The following PGF variants were observed in gnomAD, a reference collection of about 807,000 sequenced individuals.
PGF encodes placenta growth factor.
In PGF, 11 loss-of-function variants were observed where a neutral mutation model predicts 25.3. That is an observed-to-expected ratio of 0.43 (90% CI 0.27 to 0.72). The LOEUF is 0.72. Among genes scored for constraint, PGF ranks in the 30% least tolerant of loss-of-function variants. The pLI is 0.18. For missense variants in PGF, 230 were observed against 234.9 expected, an observed-to-expected ratio of 0.98 and a Z score of 0.14; for synonymous variants, 105 against 97.9, an observed-to-expected ratio of 1.07 and a Z score of -0.43.
intron 5 of PGF, 22 bp from the exon 6 acceptor site, chr14:74,946,297 G>A: frequency 6.2e-7 from 1 of 1,614,146 alleles, no homozygotes; most frequent in Non-Finnish European, 8.5e-7. Flanking sequence ...CAAGCGTCAG[G>A]ACAAGGTGGC....
chr14:74,942,510 T>C lies in PGF; in HGVS notation c.*196A>G. On this transcript the variant is annotated 3_prime_UTR_variant, in exon 7 of 7. Transcript: ENST00000555567. The stretch of plus-strand genomic sequence containing the variant: ...GGGGTCTGTGGCTGGCTTCTCTCTT[T>C]CTCTCACGTTGTTGAAGGCACTGAA... The C allele has an allele frequency of 3.2e-6, 2 of 617,470 alleles. No individual in the cohort carries two copies. Among genetic ancestry groups the C allele is most frequent in the Non-Finnish European group, 2.9e-6 (1 of 348,902 alleles). The allele number at this position is 617,470 out of a possible 1,614,324, so 38.2% of individuals were successfully genotyped here. A position where few individuals can be genotyped will look rare whatever the true frequency, so the allele number is the denominator to read the frequency against.
chr14:74,943,046 G>C (rs1463734358), intron 6 of PGF, among the ~76,000 whole-genome samples: 1 of 152,226 alleles, frequency 6.6e-6, no homozygotes. Context: ...GAAGAAGCTT[G>C]CCTGTGGTCA....
chr14:74,944,683 CT>C (rs1209669089), intron 6 of PGF: 2 of 151,260 alleles, frequency 1.3e-5, no homozygotes, highest in African/African-American at 2.4e-5. Flanking sequence ...GTAGTTGGGA[CT>C]ATAGGCACAT....
chr14:74,954,120 G>T, intron 1 of PGF, 174 bp from the exon 2 acceptor site: 1 of 634,052 alleles, frequency 1.6e-6, no homozygotes, highest in East Asian at 2.8e-5. Flanking sequence ...TGGACCCTGG[G>T]TAGGTTAGGT....
intron 4 of PGF, 41 bp downstream of exon 4, chr14:74,948,465 CG>C: frequency 7.9e-7 from 1 of 1,259,790 alleles, no homozygotes; most frequent in South Asian, 1.3e-5. Flanking sequence ...GCCAAGAGGA[CG>C]GGGGCCTTTC....
chr14:74,943,191 T>G (rs535829738), intron 6 of PGF, among the ~76,000 whole-genome samples: 11 of 152,248 alleles, frequency 7.2e-5, no homozygotes, highest in African/African-American at 2.6e-4. Context: ...TACTGACGGT[T>G]TTAAAGAAAT....
rs974958272 is a variant in PGF at position 74,942,520 on chromosome 14, T to G, written c.*186A>C. 7 of 635,692 alleles carry G rather than the reference T, an allele frequency of 1.1e-5. No homozygotes were observed. The highest frequency in any genetic ancestry group is 3.8e-5 in the African/African-American group (2 of 52,036). The allele number at this position is 635,692 out of a possible 1,614,324, so 39.4% of individuals were successfully genotyped here. ...GCTGGCTTCTCTCTTTCTCTCACGTTGTTGAAGGCACTGAATTCCTGAGGG... is the reference window on the plus strand; with the variant it reads ...GCTGGCTTCTCTCTTTCTCTCACGTGGTTGAAGGCACTGAATTCCTGAGGG... On this transcript the variant is annotated 3_prime_UTR_variant, in exon 7 of 7. Transcript: ENST00000555567.
At chr14:74,945,942 C>T (rs1205588056) in intron 6 of PGF, 1 of 516,528 alleles carries the variant, frequency 1.9e-6, no homozygotes, top group African/African-American at 1.9e-5. Flanking sequence ...GCTGGACCTC[C>T]TGCCCCTCAT....
At chr14:74,947,683 A>C (rs1888771986) in intron 4 of PGF, 1 of 152,264 alleles carries the variant, frequency 6.6e-6, no homozygotes, top group South Asian at 2.1e-4. Flanking sequence ...GTAGGTGCTC[A>C]ATAAATGTAT....
chr14:74,948,875 G>A (rs1295282972), intron 3 of PGF, among the ~76,000 whole-genome samples: 2 of 152,184 alleles, frequency 1.3e-5, no homozygotes, highest in African/African-American at 4.8e-5. Context: ...TTTACCTGCT[G>A]AACAAGTGAA....
Position 74,953,979 on chromosome 14 carries a change from G to C in PGF, c.76-33C>G. 1 of 1,611,482 alleles carries C rather than the reference G, an allele frequency of 6.2e-7. No individual in the cohort carries two copies. The highest frequency in any genetic ancestry group is 2.2e-5 in the East Asian group (1 of 44,860). On this transcript the variant is annotated intron_variant, in intron 1 of 6. Coordinates refer to ENST00000555567, the MANE Select transcript of PGF (RefSeq NM_002632.6). This position sits in a 1 kb window ranked among gnomAD's most constrained non-coding sequence, Gnocchi z 5.4. ...CAGAAAAGTGCAGAGGTGAGCTGGG[G>C]GTACCTTGGAGCTCTGCACTCTTGG...
Position 74,953,897 on chromosome 14 carries a change from A to G in PGF, c.118+7T>C. On this transcript the variant is annotated splice_region_variant and intron_variant, in intron 2 of 6. Coordinates refer to ENST00000555567, the MANE Select transcript of PGF (RefSeq NM_002632.6). This position sits in a 1 kb window ranked among gnomAD's most constrained non-coding sequence, Gnocchi z 5.4. ...GAGCATGCGTACCCCCAGCCTGGCC[A>G]GCTTACCTTCCACCTCTGACGAGCC... 1 of 1,613,714 alleles carries G rather than the reference A, an allele frequency of 6.2e-7. No homozygotes were observed. The highest frequency in any genetic ancestry group is 1.1e-5 in the South Asian group (1 of 91,074).
rs1320969710 is a variant in PGF, at chr14:74,942,068, G to C, written c.*638C>G. 3.9e-5 allele frequency: 6 copies of C among 153,274 alleles called. No individual in the cohort carries two copies. Among genetic ancestry groups the C allele is most frequent in the Non-Finnish European group, 8.7e-5 (6 of 68,876 alleles). The allele number at this position is 153,274 out of a possible 1,614,324, so 9.5% of individuals were successfully genotyped here. On this transcript the variant is annotated 3_prime_UTR_variant, in exon 7 of 7. Transcript: ENST00000555567. ...CACTCTGTATGTGTCTCTTAGGGGG[G>C]GCAGGGTGGTGGCACCTTGGCCGGA... is the stretch of plus-strand genomic sequence containing the variant.
chr14:74,948,581 G>A lies in PGF; in HGVS notation c.318C>T (p.Leu106=). 4 of 1,598,012 alleles carry A rather than the reference G, an allele frequency of 2.5e-6. No homozygotes were observed. The highest frequency in any genetic ancestry group is 3.4e-6 in the Non-Finnish European group (4 of 1,167,976). The change falls in exon 4 of 7, where the codon CTC becomes CTT. Residue 106 remains leucine (L), a splice_region_variant and synonymous_variant. Transcript: ENST00000555567. ...GCCGGTCCCCAGAACGGATCTTTAG[G>A]AGCTGAAGGAAGAAAGAGTTGATGC... ...PVETANVTMQ[L]LKIRSGDRPS...
chr14:74,952,363 C>T (rs1888891534), intron 2 of PGF, among the ~76,000 whole-genome samples: 1 of 152,218 alleles, frequency 6.6e-6, no homozygotes, highest in African/African-American at 2.4e-5. Flanking sequence ...GCCCGCTCAG[C>T]CACGGAGCTA....
chr14:74,944,324 G>T (rs577840933), intron 6 of PGF, among the ~76,000 whole-genome samples: 1 of 151,786 alleles, frequency 6.6e-6, no homozygotes, highest in East Asian at 1.9e-4. Context: ...GGATGGTCTC[G>T]ATCTCCTAAC....
intron 3 of PGF, 48 bp from the exon 4 acceptor site, chr14:74,948,631 T>C (rs759408516): frequency 8.2e-7 from 1 of 1,219,074 alleles, no homozygotes; most frequent in East Asian, 2.4e-5. Flanking sequence ...GGCCCACGAG[T>C]TTCCGGCACT....
Position 74,942,292 on chromosome 14 carries a change from A to T in PGF, c.*414T>A. The stretch of plus-strand genomic sequence containing the variant: ...GCCAGGCCGTGGCGGCCCCAGCAGG[A>T]TCCGCATCCCTACTTTGGACAGGAG... On this transcript the variant is annotated 3_prime_UTR_variant, in exon 7 of 7. Coordinates refer to ENST00000555567, the MANE Select transcript of PGF (RefSeq NM_002632.6). The T allele has an allele frequency of 7.9e-6, 1 of 126,228 alleles. No homozygotes were observed. The highest frequency in any genetic ancestry group is 1.3e-4 in the South Asian group (1 of 7,940). 7.8% of individuals were successfully genotyped at this position (126,228 alleles called of 1,614,324 possible).
chr14:74,948,637 G>A lies in PGF; in HGVS notation c.316-54C>T, dbSNP rs569343585. Reference sequence around the variant, plus strand: ...TTGGGGAGTGGCCCACGAGTTTCCGGCACTCTTCTCTCTCTCCTTGTAAGG... The same window carrying A: ...TTGGGGAGTGGCCCACGAGTTTCCGACACTCTTCTCTCTCTCCTTGTAAGG... On this transcript the variant is annotated intron_variant, in intron 3 of 6. Coordinates refer to ENST00000555567, the MANE Select transcript of PGF (RefSeq NM_002632.6). 1.1e-5 allele frequency: 13 copies of A among 1,166,854 alleles called. No homozygotes were observed. In the African/African-American group the frequency reaches 1.2e-4, roughly 11 times the overall value. The allele number at this position is 1,166,854 out of a possible 1,614,324, so 72.3% of individuals were successfully genotyped here.
Sources: gnomAD v4.1 joint callset for allele counts (sites outside exome capture counted in the v4.1 genomes callset) on GRCh38, gnomAD v4.1.1 for gene constraint, Gnocchi (gnomAD v3.1) non-coding constraint, MANE v1.5 for transcripts, NCBI Gene and HGNC (gene_info 2026-07-23, HGNC 2026-07-21) for gene names.